Variants in PARP8 observed in about 807,000 individuals in gnomAD.
PARP8 encodes protein mono-ADP-ribosyltransferase PARP8.
A neutral mutation model predicts 124.1 loss-of-function variants in PARP8; 51 were observed. The observed-to-expected ratio is 0.41, with a 90% CI of 0.33 to 0.52. The LOEUF is 0.52. Ranked by LOEUF, PARP8 falls within the 20% of genes least tolerant of loss-of-function variation. The pLI, the probability that PARP8 is intolerant of heterozygous loss-of-function variation, is 0.21. For synonymous variants in PARP8, 391 were observed against 361.5 expected, an observed-to-expected ratio of 1.08 and a Z score of -0.93; for missense variants, 860 against 1,018.9, an observed-to-expected ratio of 0.84 and a Z score of 2.12.
intron 2 of PARP8, among the ~76,000 whole-genome samples, chr5:50,707,634 A>T (rs545358447): frequency 1.3e-4 from 4 of 30,230 alleles, no homozygotes; most frequent in African/African-American, 3.3e-4. Context: ...AGACAGAGAG[A>T]GAGAGAGAGA....
chr5:50,739,245 C>T (rs1757777562), intron 2 of PARP8, among the ~76,000 whole-genome samples: 1 of 152,194 alleles, frequency 6.6e-6, no homozygotes, highest in African/African-American at 2.4e-5. Context: ...TCTTCCTCTC[C>T]ACCTGGGAGA....
intron 2 of PARP8, chr5:50,669,002 A>G (rs1370120945): frequency 1.3e-5 from 2 of 152,242 alleles, no homozygotes; most frequent in African/African-American, 4.8e-5. Flanking sequence ...AAACATTTAT[A>G]AACATATAAA....
intron 2 of PARP8, among the ~76,000 whole-genome samples, chr5:50,702,212 A>G (rs1753671990): frequency 6.6e-6 from 1 of 152,136 alleles, no homozygotes; most frequent in African/African-American, 2.4e-5. Flanking sequence ...TTACACTAAG[A>G]AAGGACAATA....
intron 10 of PARP8, 89 bp from the exon 11 acceptor site, chr5:50,794,118 G>T: frequency 7.4e-7 from 1 of 1,359,128 alleles, no homozygotes; most frequent in South Asian, 1.5e-5. Flanking sequence ...GCATTTATTT[G>T]ATAAATGCAT....
chr5:50,702,338 A>G (rs1383351352), intron 2 of PARP8, among the ~76,000 whole-genome samples: 1 of 152,174 alleles, frequency 6.6e-6, no homozygotes, highest in Non-Finnish European at 1.5e-5. Context: ...ATAAAGCATA[A>G]CAGTAGAAAA....
intron 7 of PARP8, among the ~76,000 whole-genome samples, chr5:50,777,561 C>A (rs964729162): frequency 6.6e-6 from 1 of 151,148 alleles, no homozygotes; most frequent in Non-Finnish European, 1.5e-5. Flanking sequence ...TAATATCAGA[C>A]TTTTAGAGCT....
rs1255426718 is a variant in PARP8 at position 50,787,622 on chromosome 5, G to A, written c.671-901G>A. The stretch of plus-strand genomic sequence containing the variant: ...TGGACTTCAGACTTCATGGGTGCAG[G>A]GATATTCGTGGGTGTGTTTTTACTC... On this transcript the variant is annotated intron_variant, in intron 9 of 25. Transcript: ENST00000281631. Among the ~76,000 whole-genome samples the A allele has an allele frequency of 2.0e-5, 3 of 151,908 alleles. 1 individual carries two copies. The South Asian group carries it at 6.2e-4, about 32-fold the overall frequency.
chr5:50,729,612 T>G (rs931247998), intron 2 of PARP8, among the ~76,000 whole-genome samples: 5 of 152,314 alleles, frequency 3.3e-5, no homozygotes, highest in African/African-American at 1.2e-4. Flanking sequence ...TTTGTTTTTC[T>G]TGCCGTTCAG....
chr5:50,722,765 T>C (rs578045903), intron 2 of PARP8, among the ~76,000 whole-genome samples: 1 of 152,236 alleles, frequency 6.6e-6, no homozygotes, highest in South Asian at 2.1e-4. Context: ...AAAGATTCTA[T>C]GCATCTGGTA....
intron 10 of PARP8, among the ~76,000 whole-genome samples, chr5:50,789,393 G>T (rs936528283): frequency 6.6e-6 from 1 of 152,138 alleles, no homozygotes; most frequent in African/African-American, 2.4e-5. Flanking sequence ...GAAGATCACT[G>T]ATGTGATCTA....
chr5:50,788,670 A>T, intron 10 of PARP8, 81 bp downstream of exon 10: 6 of 1,205,284 alleles, frequency 5.0e-6, no homozygotes, highest in Non-Finnish European at 6.9e-6. Context: ...CAAACAAACA[A>T]AAACCTATTC....
chr5:50,723,077 G>T (rs115361875), intron 2 of PARP8, among the ~76,000 whole-genome samples: 91 of 152,128 alleles, frequency 6.0e-4, no homozygotes, highest in African/African-American at 2.2e-3. Flanking sequence ...ATATATTCTC[G>T]CCTCTTACAT....
intron 2 of PARP8, among the ~76,000 whole-genome samples, chr5:50,698,436 G>T (rs542618643): frequency 2.6e-5 from 4 of 152,136 alleles, no homozygotes; most frequent in African/African-American, 7.2e-5. Flanking sequence ...CTCCCAGCAG[G>T]TTCTTCATAT....
At chr5:50,704,039 C>T (rs1041208831) in intron 2 of PARP8, among the ~76,000 whole-genome samples, 5 of 152,072 alleles carry the variant, frequency 3.3e-5, no homozygotes, top group Non-Finnish European at 7.4e-5. Context: ...AATCTTTTGA[C>T]ATGTATTTAA....
intron 2 of PARP8, among the ~76,000 whole-genome samples, chr5:50,735,031 A>C (rs967783089): frequency 3.3e-5 from 5 of 152,224 alleles, no homozygotes; most frequent in African/African-American, 1.2e-4. Flanking sequence ...GAAATTCATC[A>C]TGCGCAATGT....
At chr5:50,841,852 A>G in intron 25 of PARP8, 114 bp from the exon 26 acceptor site, 1 of 659,974 alleles carries the variant, frequency 1.5e-6, no homozygotes, top group Non-Finnish European at 2.5e-6. Flanking sequence ...ACAACCGTAT[A>G]ATTTGCTTTT....
intron 17 of PARP8, 124 bp from the exon 18 acceptor site, chr5:50,824,784 T>C: frequency 1.4e-6 from 1 of 696,962 alleles, no homozygotes; most frequent in Non-Finnish European, 2.5e-6. Context: ...GTTGTTCCCA[T>C]GTTAAGTCCA....
At chr5:50,757,727 C>T (rs889514087) in intron 3 of PARP8, among the ~76,000 whole-genome samples, 2 of 152,070 alleles carry the variant, frequency 1.3e-5, no homozygotes, top group Admixed American at 1.3e-4. Context: ...TTATGTAAGC[C>T]ATTTTGATAG....
chr5:50,749,957 G>C (rs1283646788), intron 2 of PARP8, among the ~76,000 whole-genome samples, 194 bp from the exon 3 acceptor site: 1 of 152,110 alleles, frequency 6.6e-6, no homozygotes, highest in Non-Finnish European at 1.5e-5. Context: ...TAGACTAATG[G>C]AAAGTATATT....
Sources: allele counts gnomAD v4.1 joint callset (sites outside exome capture counted in the v4.1 genomes callset), GRCh38; gene constraint gnomAD v4.1.1; transcripts MANE v1.5; gene names NCBI Gene and HGNC (gene_info 2026-07-23, HGNC 2026-07-21).